The following ZNF883 variants were observed in gnomAD, a reference collection of about 807,000 sequenced individuals.
The protein encoded by ZNF883 is zinc finger protein 883.
intron 2 of ZNF883, among the ~76,000 whole-genome samples, chr9:113,007,048 G>A (rs1000307922): frequency 1.4e-4 from 22 of 152,152 alleles, no homozygotes; most frequent in African/African-American, 5.1e-4. Context: ...ACAAAAATTA[G>A]CCGGGCGTGG....
At chr9:112,994,102 G>A (rs1828326861), downstream of ZNF883, among the ~76,000 whole-genome samples, 2 of 151,936 alleles carry the variant, frequency 1.3e-5, no homozygotes, top group Non-Finnish European at 2.9e-5. Flanking sequence ...CTCTAGCCTT[G>A]TGGCTACACA....
chr9:113,008,439 A>G (rs762435625), intron 2 of ZNF883, among the ~76,000 whole-genome samples: 22 of 152,156 alleles, frequency 1.4e-4, no homozygotes, highest in Non-Finnish European at 2.9e-4. Context: ...AGGAAATTCT[A>G]CGGATTTATG....
At chr9:113,002,235 T>C (rs1354336391), upstream of ZNF883, among the ~76,000 whole-genome samples, 1 of 152,186 alleles carries the variant, frequency 6.6e-6, no homozygotes, top group Admixed American at 6.5e-5. Flanking sequence ...AAGTTTATTA[T>C]TTGATGTCTA....
chr9:113,004,339 G>A (rs1354979917), intron 2 of ZNF883, among the ~76,000 whole-genome samples: 1 of 152,192 alleles, frequency 6.6e-6, no homozygotes, highest in Non-Finnish European at 1.5e-5. Flanking sequence ...CACATTGCTA[G>A]GGCAGTGCTA....
rs371088790 is a variant in ZNF883 at position 112,997,410 on chromosome 9, G to C, written n.850C>G. On this transcript the variant is annotated non_coding_transcript_exon_variant, in exon 1 of 1. Coordinates refer to ENST00000639662, the Ensembl canonical transcript of ZNF883. ...GGTTTCACACAAGAATGAATTTTTA[G>C]ATGTTCAGTAAGGTGTGTACTTCGA... 6 of 1,613,860 alleles carry C rather than the reference G, an allele frequency of 3.7e-6. No homozygotes were observed. The African/African-American group carries it at 8.0e-5, about 22-fold the overall frequency.
At chr9:113,005,132 T>C (rs1468807064) in intron 2 of ZNF883, among the ~76,000 whole-genome samples, 1 of 152,068 alleles carries the variant, frequency 6.6e-6, no homozygotes, top group Non-Finnish European at 1.5e-5. Context: ...TTTTTTATAA[T>C]CTTGCAATGG....
downstream of ZNF883, among the ~76,000 whole-genome samples, chr9:112,994,151 T>C (rs1828327335): frequency 1.3e-5 from 2 of 152,314 alleles, no homozygotes; most frequent in Middle Eastern, 3.4e-3. Context: ...GGGGATCTCC[T>C]GATCTGTGGG....
chr9:112,997,910 C>T lies in ZNF883; in HGVS notation n.350G>A, dbSNP rs185997453. The T allele has an allele frequency of 6.1e-5, 99 of 1,613,808 alleles. No individual in the cohort carries two copies. In the Middle Eastern group the frequency reaches 1.3e-3, roughly 22 times the overall value. Reference sequence around the variant, plus strand: ...ATAGGGTTTTTCTCCAGTATGGATTCTCTCATGATTTCTAAGGGATGACCT... The same window carrying T: ...ATAGGGTTTTTCTCCAGTATGGATTTTCTCATGATTTCTAAGGGATGACCT... On this transcript the variant is annotated non_coding_transcript_exon_variant, in exon 1 of 1. Coordinates refer to ENST00000639662, the Ensembl canonical transcript of ZNF883.
upstream of ZNF883, chr9:112,999,866 C>T (rs1308601333): frequency 1.3e-5 from 2 of 152,142 alleles, no homozygotes; most frequent in Non-Finnish European, 2.9e-5. Context: ...AGCTTAATCT[C>T]CATCCCCATA....
chr9:112,991,145 G>A (rs930915986), intron 1 of ZNF883, among the ~76,000 whole-genome samples: 3 of 151,822 alleles, frequency 2.0e-5, no homozygotes, highest in Non-Finnish European at 2.9e-5. Flanking sequence ...CTTTGGGTTT[G>A]TTTGCTCTTG....
rs566688325 is a variant in ZNF883, at chr9:113,006,380, T to C, written n.166-4307A>G. On this transcript the variant is annotated intron_variant and non_coding_transcript_variant, in intron 2 of 4. Coordinates refer to the ZNF883 transcript ENST00000638622. Reference sequence around the variant, plus strand: ...ATGAAATAGTCATAAAATAGCCAGCTAACAACCCCTGCTCCCCATGCTACT... The same window carrying C: ...ATGAAATAGTCATAAAATAGCCAGCCAACAACCCCTGCTCCCCATGCTACT... Among the ~76,000 whole-genome samples, 172 of 152,262 alleles carry C rather than the reference T, an allele frequency of 1.1e-3. 1 individual carries two copies. The highest frequency in any genetic ancestry group is 1.8e-4 in the Non-Finnish European group (12 of 68,010).
downstream of ZNF883, among the ~76,000 whole-genome samples, chr9:112,993,744 G>T (rs1037320636): frequency 6.6e-6 from 1 of 152,212 alleles, no homozygotes; most frequent in Admixed American, 6.5e-5. Flanking sequence ...CTAAACTCCT[G>T]GCAGGAATTG....
At chr9:112,996,514 G>A (rs961266188), downstream of ZNF883, among the ~76,000 whole-genome samples, 6 of 151,656 alleles carry the variant, frequency 4.0e-5, no homozygotes, top group South Asian at 2.1e-4. Context: ...TTTTATGGCC[G>A]GGCGCGGTGG....
At chr9:112,988,135 G>T (rs186602529) in intron 1 of ZNF883, among the ~76,000 whole-genome samples, 88 of 150,956 alleles carry the variant, frequency 5.8e-4, no homozygotes, top group African/African-American at 2.1e-3. Context: ...TATGTGAATT[G>T]TATCTTTTAA....
At chr9:112,995,670 T>C (rs998592242), downstream of ZNF883, among the ~76,000 whole-genome samples, 3 of 151,486 alleles carry the variant, frequency 2.0e-5, no homozygotes, top group African/African-American at 7.3e-5. Flanking sequence ...CCAATGTATA[T>C]AGAATTTTAT....
intron 2 of ZNF883, among the ~76,000 whole-genome samples, chr9:113,003,284 C>G (rs889659948): frequency 1.3e-5 from 2 of 152,134 alleles, no homozygotes; most frequent in Non-Finnish European, 2.9e-5. Flanking sequence ...TCTTGCCCAC[C>G]ACCATGTAAG....
upstream of ZNF883, chr9:112,999,161 A>G (rs1471441966): frequency 6.6e-6 from 1 of 152,236 alleles, no homozygotes; most frequent in African/African-American, 2.4e-5. Flanking sequence ...GGCAGAAAAC[A>G]AGGCTCATTC....
chr9:112,994,917 T>C (rs1828335322), downstream of ZNF883, among the ~76,000 whole-genome samples: 1 of 152,184 alleles, frequency 6.6e-6, no homozygotes, highest in South Asian at 2.1e-4. Context: ...TGACTAATAA[T>C]GGTGGCATCA....
At chr9:113,001,853 A>G (rs895692380), upstream of ZNF883, 11 of 152,230 alleles carry the variant, frequency 7.2e-5, no homozygotes, top group African/African-American at 2.2e-4. Context: ...GACTATTTAC[A>G]AAGTTTTAAA....
Sources: allele counts gnomAD v4.1 joint callset (sites outside exome capture counted in the v4.1 genomes callset), GRCh38; gene constraint gnomAD v4.1.1; transcripts MANE v1.5; gene names NCBI Gene and HGNC (gene_info 2026-07-23, HGNC 2026-07-21).